The following IFNLR1 variants were observed in gnomAD, a reference collection of about 807,000 sequenced individuals.
The protein encoded by IFNLR1 is CRF2-12.
IFNLR1 carries 28 observed loss-of-function variants against 52.5 expected under a neutral mutation model. The observed-to-expected ratio is 0.53, with a 90% CI of 0.40 to 0.73. The LOEUF (loss-of-function observed/expected upper bound fraction) is 0.73. Among genes scored for constraint, IFNLR1 ranks in the 30% least tolerant of loss-of-function variants. IFNLR1 has a pLI of 0.00. For missense variants in IFNLR1, 623 were observed against 659.1 expected (o/e 0.95, Z 0.60); for synonymous variants, 276 against 274.9 (o/e 1.00, Z -0.04).
Position 24,157,415 on chromosome 1 carries a change from T to C in IFNLR1, c.1278A>G (p.Pro426=). The C allele has an allele frequency of 6.2e-7, 1 of 1,614,064 alleles. No individual in the cohort carries two copies. Among genetic ancestry groups the C allele is most frequent in the African/African-American group, 1.3e-5 (1 of 75,004 alleles). ...PGGDGHQESL[P]PPEFSKDSGF... is the part of the protein sequence containing the mutation. Reference sequence around the variant, plus strand: ...CCGAGTCCTTGGAGAATTCAGGTGGTGGGAGAGATTCTTGGTGCCCATCCC... The same window carrying C: ...CCGAGTCCTTGGAGAATTCAGGTGGCGGGAGAGATTCTTGGTGCCCATCCC... The change falls in exon 7 of 7, where the codon CCA becomes CCG. Residue 426 remains proline (P), a synonymous_variant. Transcript: ENST00000327535. The surrounding 1 kb of genome is among the most constrained non-coding windows in gnomAD (Gnocchi z 5.1).
chr1:24,169,736 T>A, intron 2 of IFNLR1, 135 bp from the exon 3 acceptor site: 3 of 868,314 alleles, frequency 3.5e-6, no homozygotes, highest in Middle Eastern at 3.6e-4. Context: ...AGGCAGCCAC[T>A]GGCTGAGACA....
At chr1:24,168,410 C>A (rs966724723) in intron 3 of IFNLR1, among the ~76,000 whole-genome samples, 1 of 152,074 alleles carries the variant, frequency 6.6e-6, no homozygotes, top group Admixed American at 6.6e-5. Flanking sequence ...GGGCATTTAT[C>A]CTCCCTTTGT....
Position 24,159,175 on chromosome 1 carries a change from G to A in IFNLR1, c.678C>T (p.Asn226=). ...TCFLLEVPEA[N]WAFLVLPSLL... ...GCGATGGCAGCACCAGGAAAGCCCA[G>A]TTGGCTTCTAAGGAAGGAAAAATAA... The change falls in exon 6 of 7, where the codon AAC becomes AAT. Residue 226 remains asparagine (N), a synonymous_variant. Coordinates refer to ENST00000327535, the MANE Select transcript of IFNLR1 (RefSeq NM_170743.4). 2 of 1,614,078 alleles carry A rather than the reference G, an allele frequency of 1.2e-6. No individual in the cohort carries two copies. The highest frequency in any genetic ancestry group is 1.7e-6 in the Non-Finnish European group (2 of 1,180,008).
chr1:24,157,328 T>A lies in IFNLR1; in HGVS notation c.1365A>T (p.Pro455=). The change falls in exon 7 of 7, where the codon CCA becomes CCT. Residue 455 remains proline (P), a synonymous_variant. Transcript: ENST00000327535. The surrounding 1 kb of genome is among the most constrained non-coding windows in gnomAD (Gnocchi z 5.1). ...CCCCAGGGACCAGATTCGGCTCCGG[T>A]GGTAAGGTGCCCCAGGTGGCCCAGG... The part of the protein sequence containing the change: ...LSSWATWGTL[P]PEPNLVPGGP... 6.2e-7 allele frequency: 1 copy of A among 1,614,012 alleles called. No individual in the cohort carries two copies. The highest frequency in any genetic ancestry group is 8.5e-7 in the Non-Finnish European group (1 of 1,179,982).
chr1:24,168,579 A>G lies in IFNLR1; in HGVS notation c.367+838T>C, dbSNP rs113685303. 2.5e-3 allele frequency among the ~76,000 whole-genome samples: 386 copies of G among 152,114 alleles called. 2 individuals carry two copies. Among genetic ancestry groups the G allele is most frequent in the African/African-American group, 8.4e-3 (347 of 41,508 alleles). ...ACCTCACAAGTTTGCTGTGAAGATTAAAAATAGACTGAAAAAAAAAAAGTG... is the reference window on the plus strand; with the variant it reads ...ACCTCACAAGTTTGCTGTGAAGATTGAAAATAGACTGAAAAAAAAAAAGTG... On this transcript the variant is annotated intron_variant, in intron 3 of 6. Transcript: ENST00000327535.
intron 2 of IFNLR1, among the ~76,000 whole-genome samples, chr1:24,180,367 C>A (rs1461950667): frequency 6.6e-6 from 1 of 151,960 alleles, no homozygotes. Flanking sequence ...AACAGCTCCT[C>A]TGCTGTGTAC....
chr1:24,169,461 T>C lies in IFNLR1; in HGVS notation c.323A>G (p.Lys108Arg), dbSNP rs1239666226. ...GTATTCGGACTCCACCCAGGGGGAC[T>C]TGGAGCTGGGAGAAACCGTCCGCAC... Reference protein sequence around the residue: ...GRVRTVSPSSKSPWVESEYLD... With the variant: ...GRVRTVSPSSRSPWVESEYLD... The change falls in exon 3 of 7, where the codon AAG becomes AGG. Residue 108 changes from lysine to arginine, a missense_variant. Coordinates refer to ENST00000327535, the MANE Select transcript of IFNLR1 (RefSeq NM_170743.4). The C allele has an allele frequency of 6.2e-7, 1 of 1,614,226 alleles. No homozygotes were observed. Among genetic ancestry groups the C allele is most frequent in the Non-Finnish European group, 8.5e-7 (1 of 1,180,038 alleles).
chr1:24,162,594 G>C (rs965716347), intron 3 of IFNLR1, among the ~76,000 whole-genome samples: 3 of 152,204 alleles, frequency 2.0e-5, no homozygotes, highest in Admixed American at 2.0e-4. Flanking sequence ...CAAGAGCATG[G>C]CACTGGCATC....
rs1644444863 is a variant in IFNLR1, at chr1:24,161,671, TGG to T, written c.379_380del (p.Pro127ThrfsTer32). ...LDYLFEVEPA[P>X]PVLVLTQTEE... ...CCGTCTGGGTGAGCACCAGGACAGGTGGGGCCGGCTCCACTGCAGAAACAGAG... is the reference window on the plus strand; with the variant it reads ...CCGTCTGGGTGAGCACCAGGACAGGTGGCCGGCTCCACTGCAGAAACAGAG... On this transcript the variant is annotated frameshift_variant, in exon 4 of 7. Coordinates refer to ENST00000327535, the MANE Select transcript of IFNLR1 (RefSeq NM_170743.4). LOFTEE classifies it high-confidence loss of function. 2 of 1,507,630 alleles carry T rather than the reference TGG, an allele frequency of 1.3e-6. No individual in the cohort carries two copies. The highest frequency in any genetic ancestry group is 1.8e-6 in the Non-Finnish European group (2 of 1,122,382). 93.4% of individuals were successfully genotyped at this position (1,507,630 alleles called of 1,614,324 possible). A position where few individuals can be genotyped will look rare whatever the true frequency, so the allele number is the denominator to read the frequency against.
rs772253018 is a variant in IFNLR1, at chr1:24,157,326, G to A, written c.1367C>T (p.Pro456Leu). 67 of 1,614,050 alleles carry A rather than the reference G, an allele frequency of 4.2e-5. No individual in the cohort carries two copies. The highest frequency in any genetic ancestry group is 5.3e-5 in the Non-Finnish European group (62 of 1,180,034). The change falls in exon 7 of 7, where the codon CCG becomes CTG. Residue 456 changes from proline (P) to leucine (L), a missense_variant. Physicochemically the swap from Pro to Leu is moderately conservative, Grantham distance 98. Coordinates refer to ENST00000327535, the MANE Select transcript of IFNLR1 (RefSeq NM_170743.4). The surrounding 1 kb of genome is among the most constrained non-coding windows in gnomAD (Gnocchi z 5.1). The stretch of plus-strand genomic sequence containing the variant: ...TCCCCCAGGGACCAGATTCGGCTCC[G>A]GTGGTAAGGTGCCCCAGGTGGCCCA... The part of the protein sequence containing the change: ...SSWATWGTLP[P>L]EPNLVPGGPP...
rs1644382854 is a variant in IFNLR1, at chr1:24,156,792, A to T, written c.*338T>A. On this transcript the variant is annotated 3_prime_UTR_variant, in exon 7 of 7. Coordinates refer to ENST00000327535, the MANE Select transcript of IFNLR1 (RefSeq NM_170743.4). ...GTGTCCGCCCTTGATGTCCGCAGTG[A>T]CCTGACCTCACCTGTTTCATGTTGT... 1 of 305,592 alleles carries T rather than the reference A, an allele frequency of 3.3e-6. No homozygotes were observed. The highest frequency in any genetic ancestry group is 7.3e-5 in the East Asian group (1 of 13,694). 18.9% of individuals were successfully genotyped at this position (305,592 alleles called of 1,614,324 possible).
chr1:24,165,649 T>C (rs1265439743), intron 3 of IFNLR1, among the ~76,000 whole-genome samples: 2 of 152,220 alleles, frequency 1.3e-5, no homozygotes, highest in Non-Finnish European at 2.9e-5. Flanking sequence ...ACTTCTTCCA[T>C]GCAGCCTTCC....
chr1:24,157,720 C>T lies in IFNLR1; in HGVS notation c.973G>A (p.Asp325Asn). The change falls in exon 7 of 7, where the codon GAC becomes AAC. Residue 325 changes from aspartate to asparagine, a missense_variant. Coordinates refer to ENST00000327535, the MANE Select transcript of IFNLR1 (RefSeq NM_170743.4). The surrounding 1 kb of genome is among the most constrained non-coding windows in gnomAD (Gnocchi z 5.1). ...QTRWKKDLAE[D>N]EEEEDEEDTE... ...TCCTCCTCATCCTCCTCCTCTTCGT[C>T]CTCTGCAAGGTCCTTCTTCCATCTT... 1 of 1,614,210 alleles carries T rather than the reference C, an allele frequency of 6.2e-7. No homozygotes were observed. Among genetic ancestry groups the T allele is most frequent in the Non-Finnish European group, 8.5e-7 (1 of 1,180,028 alleles).
chr1:24,159,974 C>G (rs997087101), intron 4 of IFNLR1, among the ~76,000 whole-genome samples: 1 of 152,046 alleles, frequency 6.6e-6, no homozygotes, highest in African/African-American at 2.4e-5. Context: ...TCTCGAACTC[C>G]CAGCCTCAAG....
Position 24,157,716 on chromosome 1 carries a change from T to C in IFNLR1, c.977A>G (p.Glu326Gly), listed in dbSNP as rs779422742. 6.2e-7 allele frequency: 1 copy of C among 1,614,190 alleles called. No homozygotes were observed. Among genetic ancestry groups the C allele is most frequent in the East Asian group, 2.2e-5 (1 of 44,876 alleles). Reference sequence around the variant, plus strand: ...TGTGTCCTCCTCATCCTCCTCCTCTTCGTCCTCTGCAAGGTCCTTCTTCCA... The same window carrying C: ...TGTGTCCTCCTCATCCTCCTCCTCTCCGTCCTCTGCAAGGTCCTTCTTCCA... ...TRWKKDLAED[E>G]EEEDEEDTED... The change falls in exon 7 of 7, where the codon GAA becomes GGA. Residue 326 changes from glutamate (E) to glycine (G), a missense_variant. Glu to Gly is a moderately conservative substitution (Grantham distance 98). Coordinates refer to ENST00000327535, the MANE Select transcript of IFNLR1 (RefSeq NM_170743.4). The surrounding 1 kb of genome is among the most constrained non-coding windows in gnomAD (Gnocchi z 5.1).
At chr1:24,182,268 T>C (rs533483920) in intron 1 of IFNLR1, among the ~76,000 whole-genome samples, 3 of 151,998 alleles carry the variant, frequency 2.0e-5, no homozygotes, top group Admixed American at 2.0e-4. Context: ...TCGCTGGCAT[T>C]ATTCATTAGG....
Position 24,156,851 on chromosome 1 carries a change from T to C in IFNLR1, c.*279A>G, listed in dbSNP as rs1644383528. On this transcript the variant is annotated 3_prime_UTR_variant, in exon 7 of 7. Coordinates refer to ENST00000327535, the MANE Select transcript of IFNLR1 (RefSeq NM_170743.4). ...AATTTTTCCCCCTGGCCTGTCACCC[T>C]AGGGACAATGGGGGTGATGACACCC... 2 of 493,038 alleles carry C rather than the reference T, an allele frequency of 4.1e-6. No homozygotes were observed. The highest frequency in any genetic ancestry group is 7.2e-6 in the Non-Finnish European group (2 of 278,444). 30.5% of individuals were successfully genotyped at this position (493,038 alleles called of 1,614,324 possible). A position where few individuals can be genotyped will look rare whatever the true frequency, so the allele number is the denominator to read the frequency against.
chr1:24,169,426 G>A lies in IFNLR1; in HGVS notation c.358C>T (p.Leu120Phe). The change falls in exon 3 of 7, where the codon CTT becomes TTT. Residue 120 changes from leucine to phenylalanine, a missense_variant. By Grantham distance (22) the Leu-to-Phe change is conservative. Coordinates refer to ENST00000327535, the MANE Select transcript of IFNLR1 (RefSeq NM_170743.4). ...TTACCCACAGACCTACCTTCAAAAA[G>A]GTAATCCAGGTATTCGGACTCCACC... ...PWVESEYLDY[L>F]FEVEPAPPVL... is the part of the protein sequence containing the mutation. 6.2e-7 allele frequency: 1 copy of A among 1,613,866 alleles called. No individual in the cohort carries two copies. Among genetic ancestry groups the A allele is most frequent in the Non-Finnish European group, 8.5e-7 (1 of 1,179,840 alleles).
rs565976507 is a variant in IFNLR1, at chr1:24,174,538, T to C, written c.183-4937A>G. 5.3e-5 allele frequency among the ~76,000 whole-genome samples: 8 copies of C among 152,298 alleles called. No individual in the cohort carries two copies. The East Asian group carries it at 1.5e-3, about 29-fold the overall frequency. On this transcript the variant is annotated intron_variant, in intron 2 of 6. Transcript: ENST00000327535. ...TCAGGTGGAAAAGAGGAATGTGTTA[T>C]TGGAAACTGGAGGAAAGGTGATCCT...
Sources: allele counts gnomAD v4.1 joint callset (sites outside exome capture counted in the v4.1 genomes callset), GRCh38; gene constraint gnomAD v4.1.1; non-coding constraint Gnocchi (gnomAD v3.1); transcripts MANE v1.5; gene names NCBI Gene and HGNC (gene_info 2026-07-23, HGNC 2026-07-21).